Variants in CHORDC1 observed in about 807,000 individuals in gnomAD.
The protein encoded by CHORDC1 is cysteine and histidine rich domain containing 1.
Under a neutral mutation model 48.3 loss-of-function variants are expected in CHORDC1, and 25 were observed. That is an observed-to-expected ratio of 0.52 (90% CI 0.38 to 0.72). The LOEUF (loss-of-function observed/expected upper bound fraction) is 0.72. CHORDC1 is among the 30% of genes least tolerant of loss of function. The probability of loss-of-function intolerance (pLI) is 0.00; values close to 1 mark genes in which losing one functional copy is unlikely to be tolerated. For missense variants in CHORDC1, 317 were observed against 388.7 expected (o/e 0.82, Z 1.55); for synonymous variants, 128 against 126.4 (o/e 1.01, Z -0.09).
rs564695569 is a variant in CHORDC1 at position 90,201,990 on chromosome 11, G to A, written c.*415C>T. 1 of 153,908 alleles carries A rather than the reference G, an allele frequency of 6.5e-6. No individual in the cohort carries two copies. The highest frequency in any genetic ancestry group is 2.4e-5 in the African/African-American group (1 of 41,524). The allele number at this position is 153,908 out of a possible 1,614,324, so 9.5% of individuals were successfully genotyped here. The stretch of plus-strand genomic sequence containing the variant: ...CCTTAAATATTTTCAAGTACTGTAA[G>A]AACACAAATCCATGAAAAAACTGAT... On this transcript the variant is annotated 3_prime_UTR_variant, in exon 11 of 11. Coordinates refer to ENST00000320585, the MANE Select transcript of CHORDC1 (RefSeq NM_012124.3).
At chr11:90,213,141 T>C in intron 4 of CHORDC1, 1 of 334,774 alleles carries the variant, frequency 3.0e-6, no homozygotes, top group Admixed American at 4.6e-5. Flanking sequence ...TCATCCTGAG[T>C]AGTTTCCTTA....
intron 6 of CHORDC1, chr11:90,208,541 TAAAA>T (rs964616837): frequency 6.6e-6 from 1 of 151,430 alleles, no homozygotes; most frequent in Non-Finnish European, 1.5e-5. Context: ...CTTAAAGAAA[TAAAA>T]AAACAAAACT....
intron 1 of CHORDC1, among the ~76,000 whole-genome samples, chr11:90,221,058 A>T (rs1858159020): frequency 6.6e-6 from 1 of 152,168 alleles, no homozygotes; most frequent in African/African-American, 2.4e-5. Context: ...TGAGACTATA[A>T]GTCAACGAGC....
chr11:90,222,704 A>G (rs3740821), intron 1 of CHORDC1, 187 bp downstream of exon 1: 114,511 of 709,878 alleles, frequency 0.16, 12,171 homozygotes, highest in East Asian at 0.44. Context: ...GCGCTCGCCA[A>G]GGGAACGCGG....
chr11:90,208,971 T>C (rs1857781874), intron 6 of CHORDC1: 1 of 152,188 alleles, frequency 6.6e-6, no homozygotes, highest in Admixed American at 6.5e-5. Flanking sequence ...ATTTGTACCA[T>C]TACATAATTT....
chr11:90,223,041 C>A lies in CHORDC1; in HGVS notation c.-87G>T. The A allele has an allele frequency of 8.5e-7, 1 of 1,169,752 alleles. No homozygotes were observed. The highest frequency in any genetic ancestry group is 1.5e-5 in the African/African-American group (1 of 65,094). The allele number at this position is 1,169,752 out of a possible 1,614,324, so 72.5% of individuals were successfully genotyped here. A position where few individuals can be genotyped will look rare whatever the true frequency, so the allele number is the denominator to read the frequency against. On this transcript the variant is annotated 5_prime_UTR_variant, in exon 1 of 11. Transcript: ENST00000320585. ...CCACTCCCGTGTCGCTAGCACCGGT[C>A]TGACGACTGAGGCGGCTACCGGCTT...
chr11:90,217,268 G>A (rs1325777421), intron 2 of CHORDC1, among the ~76,000 whole-genome samples: 1 of 152,144 alleles, frequency 6.6e-6, no homozygotes, highest in East Asian at 1.9e-4. Context: ...AACATGTTAA[G>A]ACTGCTTATG....
intron 6 of CHORDC1, chr11:90,207,759 T>TAAAAAAAAA (rs1857736256): frequency 3.0e-4 from 1 of 3,360 alleles, no homozygotes; most frequent in African/African-American, 8.1e-4. Flanking sequence ...ATGGTTAAAA[T>TAAAAAAAAA]ACAAAAAAAA....
intron 8 of CHORDC1, among the ~76,000 whole-genome samples, chr11:90,204,491 C>T (rs1484014596): frequency 9.2e-5 from 14 of 152,140 alleles, no homozygotes; most frequent in African/African-American, 2.9e-4. Context: ...GAGGTCGAGG[C>T]GGGTGGATCA....
At chr11:90,217,849 A>T (rs1423058174) in intron 2 of CHORDC1, 3 of 186,896 alleles carry the variant, frequency 1.6e-5, no homozygotes, top group African/African-American at 4.7e-5. Context: ...GTGAGCTGAG[A>T]TCGCACCACT....
chr11:90,215,309 T>C (rs1435811716), intron 2 of CHORDC1, 79 bp from the exon 3 acceptor site: 30 of 899,200 alleles, frequency 3.3e-5, no homozygotes, highest in Admixed American at 8.5e-5. Flanking sequence ...TACTTGCACT[T>C]ATCTACTTGA....
intron 10 of CHORDC1, 123 bp downstream of exon 10, chr11:90,202,690 G>A: frequency 1.4e-6 from 2 of 1,383,596 alleles, no homozygotes; most frequent in African/African-American, 2.9e-5. Flanking sequence ...AAACTTTTTG[G>A]TAGGATACAC....
Position 90,203,436 on chromosome 11 carries a change from TA to T in CHORDC1, c.670-10del. The T allele has an allele frequency of 6.5e-7, 1 of 1,533,986 alleles. No homozygotes were observed. The highest frequency in any genetic ancestry group is 8.9e-7 in the Non-Finnish European group (1 of 1,125,010). ...GGAACAACTTTTTTCCCCTGTAATG[TA>T]AGAGAAACTCTGTAAGTTAAAAAAG... is the stretch of plus-strand genomic sequence containing the variant. On this transcript the variant is annotated splice_polypyrimidine_tract_variant and intron_variant, in intron 8 of 10. Transcript: ENST00000320585.
rs1367404899 is a variant in CHORDC1 at position 90,200,496 on chromosome 11, G to A, written c.*1909C>T. Among the ~76,000 whole-genome samples, 2 of 151,858 alleles carry A rather than the reference G, an allele frequency of 1.3e-5. No homozygotes were observed. The highest frequency in any genetic ancestry group is 2.4e-5 in the African/African-American group (1 of 41,404). ...TTGACAAACCGATAGTAAAACATAT[G>A]CTACCTAACGATAACTGTGTCCCTT... On this transcript the variant is annotated 3_prime_UTR_variant, in exon 11 of 11. Coordinates refer to ENST00000320585, the MANE Select transcript of CHORDC1 (RefSeq NM_012124.3).
Position 90,214,089 on chromosome 11 carries a change from A to G in CHORDC1, c.258T>C (p.Cys86=). ...EVKTTEKKEL[C]ELKPKFQEHI... Reference sequence around the variant, plus strand: ...GTTCCTGAAATTTGGGTTTTAATTCACATAGCTCCTTCTTCTCAGTAGTCT... The same window carrying G: ...GTTCCTGAAATTTGGGTTTTAATTCGCATAGCTCCTTCTTCTCAGTAGTCT... Residue 86 remains cysteine (C), a synonymous_variant, in exon 4 of 11, where the codon TGT becomes TGC. Coordinates refer to ENST00000320585, the MANE Select transcript of CHORDC1 (RefSeq NM_012124.3). 1 of 1,613,620 alleles carries G rather than the reference A, an allele frequency of 6.2e-7. No homozygotes were observed. Among genetic ancestry groups the G allele is most frequent in the Non-Finnish European group, 8.5e-7 (1 of 1,179,646 alleles).
chr11:90,205,371 A>T (rs572015979), intron 8 of CHORDC1, 89 bp downstream of exon 8: 26 of 900,084 alleles, frequency 2.9e-5, no homozygotes, highest in Middle Eastern at 3.4e-4. Context: ...ACTTTTTTTT[A>T]AAATCTAAAG....
intron 8 of CHORDC1, among the ~76,000 whole-genome samples, chr11:90,204,275 AAAC>A (rs1343556960): frequency 6.6e-6 from 1 of 152,212 alleles, no homozygotes; most frequent in Non-Finnish European, 1.5e-5. Context: ...ACATAATGGA[AAAC>A]AACATTTTAT....
intron 2 of CHORDC1, 30 bp from the exon 3 acceptor site, chr11:90,215,260 ACT>A (rs763400701): frequency 6.2e-6 from 9 of 1,460,788 alleles, no homozygotes; most frequent in Admixed American, 4.3e-5. Flanking sequence ...GAAACTAAAA[ACT>A]CTATTTGCAT....
At chr11:90,209,545 G>A (rs1457985333) in intron 6 of CHORDC1, 1 of 152,038 alleles carries the variant, frequency 6.6e-6, no homozygotes. Flanking sequence ...CTCAGCATGG[G>A]GGTTAGATGG....
Sources: allele counts gnomAD v4.1 joint callset (sites outside exome capture counted in the v4.1 genomes callset), GRCh38; gene constraint gnomAD v4.1.1; transcripts MANE v1.5; gene names NCBI Gene and HGNC (gene_info 2026-07-23, HGNC 2026-07-21).